NLK: variants seen among roughly 807,000 people sequenced by gnomAD.
NLK encodes the protein nemo like kinase, also known as serine/threonine-protein kinase NLK.
In NLK, 11 loss-of-function variants were observed where a neutral mutation model predicts 59.0. The ratio of observed to expected loss-of-function variants is 0.19; its 90% CI spans 0.12 to 0.31. The LOEUF (loss-of-function observed/expected upper bound fraction) is 0.31, where lower values mean the gene tolerates loss of function less well. NLK is among the 10% of genes least tolerant of loss of function. The probability of loss-of-function intolerance (pLI) is 1.00; values close to 1 mark genes in which losing one functional copy is unlikely to be tolerated. For synonymous variants in NLK, 235 were observed against 235.9 expected (o/e 1.00, Z 0.03); for missense variants, 410 against 661.1 (o/e 0.62, Z 4.16).
At chr17:28,045,051 T>C (rs979841835) in intron 1 of NLK, among the ~76,000 whole-genome samples, 3 of 152,214 alleles carry the variant, frequency 2.0e-5, no homozygotes, top group Non-Finnish European at 4.4e-5. Flanking sequence ...TGCTGAAACA[T>C]CTCACACAGC....
At chr17:28,156,099 T>G (rs1203110649) in intron 3 of NLK, among the ~76,000 whole-genome samples, 1 of 152,116 alleles carries the variant, frequency 6.6e-6, no homozygotes, top group Non-Finnish European at 1.5e-5. Context: ...AAGAAAACTA[T>G]TAAGGAAATT....
chr17:28,194,439 TA>T, intron 10 of NLK, 142 bp from the exon 11 acceptor site: 2 of 607,454 alleles, frequency 3.3e-6, no homozygotes, highest in Non-Finnish European at 5.7e-6. Flanking sequence ...CAACTTAGAA[TA>T]AATTCAACTT....
chr17:28,203,164 T>TACACACACACACACACACAC, the NLK span, among the ~76,000 whole-genome samples: 1,028 of 136,980 alleles, frequency 7.5e-3, 10 homozygotes, highest in African/African-American at 9.1e-3. Flanking sequence ...TATACATACA[T>TACACACACACACACACACAC]ACACACACAC....
chr17:28,082,965 G>T (rs1016311705), intron 1 of NLK, among the ~76,000 whole-genome samples: 1 of 152,120 alleles, frequency 6.6e-6, no homozygotes, highest in Non-Finnish European at 1.5e-5. Flanking sequence ...AAGTATTTTG[G>T]TTGGTCATAA....
rs529648058 is a variant in NLK at position 28,195,713 on chromosome 17, T to C, written c.*1077T>C. ...TTTTTTCTGTTGGAACACTGAATTC[T>C]TCTGTGCATATGTACATATGAATAC... On this transcript the variant is annotated 3_prime_UTR_variant, in exon 11 of 11. Coordinates refer to ENST00000407008, the MANE Select transcript of NLK (RefSeq NM_016231.5). 2 of 152,754 alleles carry C rather than the reference T, an allele frequency of 1.3e-5. No individual in the cohort carries two copies. Among genetic ancestry groups the C allele is most frequent in the African/African-American group, 4.8e-5 (2 of 41,566 alleles). 9.5% of individuals were successfully genotyped at this position (152,754 alleles called of 1,614,324 possible).
chr17:28,191,404 C>T (rs947381068), intron 9 of NLK, among the ~76,000 whole-genome samples, 185 bp downstream of exon 9: 8 of 152,132 alleles, frequency 5.3e-5, no homozygotes, highest in Middle Eastern at 3.4e-3. Flanking sequence ...AGGGGAAGGT[C>T]GGGGAGAGGA....
At chr17:28,112,154 T>G (rs1187683496) in intron 1 of NLK, among the ~76,000 whole-genome samples, 1 of 152,058 alleles carries the variant, frequency 6.6e-6, no homozygotes, top group Non-Finnish European at 1.5e-5. Flanking sequence ...GGCTCTCTCA[T>G]TTCCAGAATC....
chr17:28,094,694 C>G (rs1051469626), intron 1 of NLK, among the ~76,000 whole-genome samples: 2 of 152,034 alleles, frequency 1.3e-5, no homozygotes, highest in East Asian at 3.8e-4. Flanking sequence ...TATTTTTATA[C>G]AGGTGAAAAT....
At chr17:28,145,984 G>C (rs927601442) in intron 3 of NLK, among the ~76,000 whole-genome samples, 1 of 152,174 alleles carries the variant, frequency 6.6e-6, no homozygotes, top group Non-Finnish European at 1.5e-5. Context: ...GGGATTACAG[G>C]CATGAGCCAC....
At position 28,196,273 on chromosome 17, in the gene NLK, A is replaced by T. The variant is rs1909481404; in HGVS notation, c.*1637A>T. ...GAGCCCAAGAAGACACTGGTGTGAA[A>T]GGTACAATCTCAGAGGTTGGTCAAT... is the stretch of plus-strand genomic sequence containing the variant. On this transcript the variant is annotated 3_prime_UTR_variant, in exon 11 of 11. Transcript: ENST00000407008. 1 of 152,652 alleles carries T rather than the reference A, an allele frequency of 6.6e-6. No individual in the cohort carries two copies. Among genetic ancestry groups the T allele is most frequent in the Non-Finnish European group, 1.5e-5 (1 of 68,042 alleles). 9.5% of individuals were successfully genotyped at this position (152,652 alleles called of 1,614,324 possible). A position where few individuals can be genotyped will look rare whatever the true frequency, so the allele number is the denominator to read the frequency against.
At chr17:28,133,934 G>C (rs34130179) in intron 3 of NLK, among the ~76,000 whole-genome samples, 2,710 of 152,140 alleles carry the variant, frequency 0.018, 90 homozygotes, top group African/African-American at 0.062. Flanking sequence ...ACTAAGCTGG[G>C]TAAGGATTTG....
At chr17:28,051,855 A>C (rs1055899825) in intron 1 of NLK, among the ~76,000 whole-genome samples, 6 of 152,072 alleles carry the variant, frequency 3.9e-5, no homozygotes, top group African/African-American at 1.4e-4. Flanking sequence ...TATTTGTTGG[A>C]GTTTGCTGGT....
rs189878658 is a variant in NLK, at chr17:28,131,255, A to G, written c.589-1365A>G. On this transcript the variant is annotated intron_variant, in intron 2 of 10. Coordinates refer to ENST00000407008, the MANE Select transcript of NLK (RefSeq NM_016231.5). ...GAGAAACCTTTAGATTATCAGTCAT[A>G]CTATGTAAATCTTATTTAGCTCCTG... Among the ~76,000 whole-genome samples the G allele has an allele frequency of 1.8e-3, 278 of 152,216 alleles. 1 individual carries two copies. Among genetic ancestry groups the G allele is most frequent in the African/African-American group, 6.3e-3 (262 of 41,568 alleles).
chr17:28,111,804 TG>T (rs1429283943), intron 1 of NLK, among the ~76,000 whole-genome samples: 1 of 151,278 alleles, frequency 6.6e-6, no homozygotes, highest in Non-Finnish European at 1.5e-5. Context: ...CATAGCTGAG[TG>T]GTTGGCTATT....
At chr17:28,199,665 CAAAAAAA>C (rs1303411168), downstream of NLK, among the ~76,000 whole-genome samples, 10 of 33,590 alleles carry the variant, frequency 3.0e-4, no homozygotes, top group African/African-American at 1.0e-3. Context: ...GACTCTGTCT[CAAAAAAA>C]AAAAAAAAAA....
chr17:28,081,920 GTC>G (rs1910360459), intron 1 of NLK, among the ~76,000 whole-genome samples: 1 of 152,122 alleles, frequency 6.6e-6, no homozygotes, highest in African/African-American at 2.4e-5. Context: ...TTGAGATAGA[GTC>G]TCTCTCTGCC....
chr17:28,080,966 TGCA>T (rs1399234029), intron 1 of NLK, among the ~76,000 whole-genome samples: 1 of 151,958 alleles, frequency 6.6e-6, no homozygotes, highest in Non-Finnish European at 1.5e-5. Context: ...CATGGCTCAC[TGCA>T]GCATCAACCT....
chr17:28,129,693 A>G (rs148086511), intron 2 of NLK, among the ~76,000 whole-genome samples: 150 of 152,214 alleles, frequency 9.9e-4, no homozygotes, highest in African/African-American at 3.4e-3. Flanking sequence ...TGTGTTCCTT[A>G]TATTCTTATT....
intron 1 of NLK, among the ~76,000 whole-genome samples, chr17:28,077,240 T>C (rs889889637): frequency 2.0e-5 from 3 of 152,074 alleles, no homozygotes; most frequent in African/African-American, 4.8e-5. Context: ...AGAGGTTTAA[T>C]TGGACTTGCA....
Sources: gnomAD v4.1 joint callset for allele counts (sites outside exome capture counted in the v4.1 genomes callset) on GRCh38, gnomAD v4.1.1 for gene constraint, MANE v1.5 for transcripts, NCBI Gene and HGNC (gene_info 2026-07-23, HGNC 2026-07-21) for gene names.